Variants in CAV1 observed in about 807,000 individuals in gnomAD.
CAV1 encodes the protein caveolin 1, also known as caveolin-1.
Under a neutral mutation model 16.5 loss-of-function variants are expected in CAV1, and 10 were observed. The observed-to-expected ratio is 0.61, with a 90% CI of 0.37 to 1.03. The LOEUF is 1.03. CAV1 is among the 50% of genes least tolerant of loss of function. The pLI, the probability that CAV1 is intolerant of heterozygous loss-of-function variation, is 0.01. For synonymous variants in CAV1, 76 were observed against 85.1 expected (o/e 0.89, Z 0.59); for missense variants, 212 against 232.8 (o/e 0.91, Z 0.58).
In CAV1 at chr7:116,560,751, T is replaced by G. The variant is rs1794394012; in HGVS notation, c.*1464T>G. On this transcript the variant is annotated 3_prime_UTR_variant, in exon 3 of 3. Transcript: ENST00000341049. ...TTTTCTTAAACCTTCAGTTATGATTTTTTTTTCATACACTTATTGGAACTC... is the reference window on the plus strand; with the variant it reads ...TTTTCTTAAACCTTCAGTTATGATTGTTTTTTCATACACTTATTGGAACTC... The G allele has an allele frequency of 6.6e-6, 1 of 152,632 alleles. No individual in the cohort carries two copies. The highest frequency in any genetic ancestry group is 1.5e-5 in the Non-Finnish European group (1 of 68,040). The allele number at this position is 152,632 out of a possible 1,614,324, so 9.5% of individuals were successfully genotyped here.
intron 2 of CAV1, among the ~76,000 whole-genome samples, chr7:116,530,545 G>A (rs934837706): frequency 1.3e-5 from 2 of 152,118 alleles, no homozygotes; most frequent in Admixed American, 6.6e-5. Flanking sequence ...TATTGCAGCT[G>A]GTTTAATGGA....
At position 116,526,562 on chromosome 7, in the gene CAV1, A is replaced by C; in HGVS notation, c.68A>C (p.Asn23Thr). ...LYTVPIREQG[N>T]IYKPNNKAMA... ...ACCGTTCCCATCCGGGAACAGGGCAACATCTACAAGCCCAACAACAAGGCC... is the reference window on the plus strand; with the variant it reads ...ACCGTTCCCATCCGGGAACAGGGCACCATCTACAAGCCCAACAACAAGGCC... The change falls in exon 2 of 3, where the codon AAC (asparagine) becomes ACC (threonine). Residue 23 changes from asparagine (N) to threonine (T), a missense_variant. By Grantham distance (65) the Asn-to-Thr change is moderately conservative (BLOSUM62 0). Transcript: ENST00000341049. The C allele has an allele frequency of 6.2e-7, 1 of 1,614,156 alleles. No individual in the cohort carries two copies. Among genetic ancestry groups the C allele is most frequent in the Non-Finnish European group, 8.5e-7 (1 of 1,180,028 alleles).
chr7:116,525,029 CCT>C, upstream of CAV1: 1 of 1,613,824 alleles, frequency 6.2e-7, no homozygotes, highest in African/African-American at 1.3e-5. Flanking sequence ...CCCAGGGAAA[CCT>C]CCTCACAGTT....
At chr7:116,537,801 T>C (rs1793854741) in intron 2 of CAV1, among the ~76,000 whole-genome samples, 1 of 152,144 alleles carries the variant, frequency 6.6e-6, no homozygotes, top group Admixed American at 6.5e-5. Context: ...GAAGGACCAA[T>C]GTAAAACCCC....
At chr7:116,557,282 T>A (rs1250611030) in intron 2 of CAV1, among the ~76,000 whole-genome samples, 1 of 152,194 alleles carries the variant, frequency 6.6e-6, no homozygotes, top group Non-Finnish European at 1.5e-5. Context: ...TTGGTAAGCA[T>A]CATGTGCTTT....
chr7:116,530,847 C>T (rs1250981334), intron 2 of CAV1, among the ~76,000 whole-genome samples: 1 of 152,144 alleles, frequency 6.6e-6, no homozygotes, highest in Admixed American at 6.5e-5. Context: ...TAAATGACTG[C>T]AAGCATCGGT....
At chr7:116,534,363 AT>A (rs1285891058) in intron 2 of CAV1, among the ~76,000 whole-genome samples, 7 of 13,198 alleles carry the variant, frequency 5.3e-4, no homozygotes, top group Non-Finnish European at 1.0e-3. Flanking sequence ...CCCACCTCAG[AT>A]ATATATATAT....
intron 2 of CAV1, among the ~76,000 whole-genome samples, chr7:116,539,457 T>A (rs984036542): frequency 1.3e-5 from 2 of 152,196 alleles, no homozygotes; most frequent in African/African-American, 4.8e-5. Context: ...ATGTGTGCTT[T>A]GAATGAAAAG....
intron 2 of CAV1, among the ~76,000 whole-genome samples, chr7:116,555,480 A>AAGGAAGGAAGGAAGG (rs1327638542): frequency 6.4e-4 from 5 of 7,874 alleles, no homozygotes; most frequent in African/African-American, 1.5e-3. Flanking sequence ...AGGAAGGAGG[A>AAGGAAGGAAGGAAGG]AAGAAAAGAA....
intron 2 of CAV1, among the ~76,000 whole-genome samples, chr7:116,541,035 T>C (rs1236329187): frequency 1.3e-5 from 2 of 152,150 alleles, no homozygotes; most frequent in African/African-American, 4.8e-5. Context: ...TCAAACTAGG[T>C]CTGTCAATTG....
rs760535554 is a variant in CAV1 at position 116,525,097 on chromosome 7, G to A, written c.30+5G>A. ...GGCAAATACGTAGACTCGGAGGTAG[G>A]CATCCGTGGGGGGGCGCCGGCTCGG... On this transcript the variant is annotated splice_donor_5th_base_variant and intron_variant, in intron 1 of 2. Transcript: ENST00000341049. 3 of 1,614,022 alleles carry A rather than the reference G, an allele frequency of 1.9e-6. No individual in the cohort carries two copies. Among genetic ancestry groups the A allele is most frequent in the South Asian group, 1.1e-5 (1 of 91,086 alleles).
intron 2 of CAV1, 113 bp downstream of exon 2, chr7:116,526,802 GCGCA>G: frequency 2.5e-6 from 3 of 1,178,316 alleles, no homozygotes; most frequent in Non-Finnish European, 3.7e-6. Flanking sequence ...CCCCCTACAC[GCGCA>G]CACACACACA....
chr7:116,555,316 G>A (rs1270148675), intron 2 of CAV1, among the ~76,000 whole-genome samples: 1 of 151,326 alleles, frequency 6.6e-6, no homozygotes, highest in African/African-American at 2.4e-5. Flanking sequence ...ATGCATGGCT[G>A]TAGTCCCAGC....
intron 2 of CAV1, among the ~76,000 whole-genome samples, chr7:116,550,414 C>T (rs182288440): frequency 1.3e-5 from 2 of 152,276 alleles, no homozygotes; most frequent in Non-Finnish European, 2.9e-5. Flanking sequence ...TGGGAACCCC[C>T]GTCAACACAG....
At chr7:116,534,389 ATATATATTTT>A (rs1793759824) in intron 2 of CAV1, among the ~76,000 whole-genome samples, 1 of 8,984 alleles carries the variant, frequency 1.1e-4, no homozygotes, top group African/African-American at 3.0e-4. Flanking sequence ...ATATATATAT[ATATATATTTT>A]TTTTTTTTTT....
Position 116,560,003 on chromosome 7 carries a change from G to A in CAV1, c.*716G>A, listed in dbSNP as rs1794373910. 4 of 396,456 alleles carry A rather than the reference G, an allele frequency of 1.0e-5. No individual in the cohort carries two copies. Among genetic ancestry groups the A allele is most frequent in the African/African-American group, 2.1e-5 (1 of 48,610 alleles). The allele number at this position is 396,456 out of a possible 1,614,324, so 24.6% of individuals were successfully genotyped here. On this transcript the variant is annotated 3_prime_UTR_variant, in exon 3 of 3. Coordinates refer to ENST00000341049, the MANE Select transcript of CAV1 (RefSeq NM_001753.5). ...GGGTCTAACTCAGCAACTCGCTTTA[G>A]GTCAGCAGCCTCCCTGAAGACCAAA...
chr7:116,550,323 A>T (rs1468648104), intron 2 of CAV1, among the ~76,000 whole-genome samples: 1 of 152,168 alleles, frequency 6.6e-6, no homozygotes, highest in East Asian at 1.9e-4. Flanking sequence ...CCCCAAGGGA[A>T]CCAACGTCGA....
rs895757811 is a variant in CAV1 at position 116,560,029 on chromosome 7, A to G, written c.*742A>G. ...GTCAGCAGCCTCCCTGAAGACCAAAATTAGAATATCCATGACCTAGTTTTC... is the reference window on the plus strand; with the variant it reads ...GTCAGCAGCCTCCCTGAAGACCAAAGTTAGAATATCCATGACCTAGTTTTC... On this transcript the variant is annotated 3_prime_UTR_variant, in exon 3 of 3. Coordinates refer to ENST00000341049, the MANE Select transcript of CAV1 (RefSeq NM_001753.5). 1.8e-5 allele frequency: 7 copies of G among 394,492 alleles called. No homozygotes were observed. Among genetic ancestry groups the G allele is most frequent in the Non-Finnish European group, 3.1e-5 (7 of 223,720 alleles). The allele number at this position is 394,492 out of a possible 1,614,324, so 24.4% of individuals were successfully genotyped here.
In CAV1 at chr7:116,559,138, G is replaced by T. The variant is rs774819360; in HGVS notation, c.388G>T (p.Val130Phe). 6.2e-7 allele frequency: 1 copy of T among 1,613,992 alleles called. No homozygotes were observed. Among genetic ancestry groups the T allele is most frequent in the East Asian group, 2.2e-5 (1 of 44,870 alleles). Reference protein sequence around the residue: ...AILSFLHIWAVVPCIKSFLIE... With the variant: ...AILSFLHIWAFVPCIKSFLIE... ...TCTCTCTTTCCTGCACATCTGGGCAGTTGTACCATGCATTAAGAGCTTCCT... is the reference window on the plus strand; with the variant it reads ...TCTCTCTTTCCTGCACATCTGGGCATTTGTACCATGCATTAAGAGCTTCCT... The change falls in exon 3 of 3, where the codon GTT becomes TTT. Residue 130 changes from valine to phenylalanine, a missense_variant. Physicochemically the swap from Val to Phe is conservative, Grantham distance 50 (BLOSUM62 -1). Transcript: ENST00000341049.
Sources: allele counts gnomAD v4.1 joint callset (sites outside exome capture counted in the v4.1 genomes callset), GRCh38; gene constraint gnomAD v4.1.1; transcripts MANE v1.5; gene names NCBI Gene and HGNC (gene_info 2026-07-23, HGNC 2026-07-21).